The following PAK3 variants were observed in gnomAD, a reference collection of about 807,000 sequenced individuals.
The protein encoded by PAK3 is serine/threonine-protein kinase PAK 3.
A neutral mutation model predicts 41.0 loss-of-function variants in PAK3; 4 were observed. The ratio of observed to expected loss-of-function variants is 0.10; its 90% CI spans 0.05 to 0.22. The LOEUF (loss-of-function observed/expected upper bound fraction) is 0.22. Among genes scored for constraint, PAK3 ranks in the 10% least tolerant of loss-of-function variants. The pLI, the probability that PAK3 is intolerant of heterozygous loss-of-function variation, is 1.00. For synonymous variants in PAK3, 146 were observed against 139.6 expected (o/e 1.05, Z -0.32); for missense variants, 205 against 409.9 (o/e 0.50, Z 4.32).
chrX:111,211,741 T>C (rs890809278), intron 16 of PAK3, among the ~76,000 whole-genome samples: 1 of 110,271 alleles, frequency 9.1e-6, no homozygotes, highest in Admixed American at 9.6e-5. Flanking sequence ...TCCTCCTCTT[T>C]CTCCCTGTTC....
chrX:111,132,093 G>A (rs1421311952), intron 5 of PAK3, among the ~76,000 whole-genome samples: 2 of 110,902 alleles, frequency 1.8e-5, no homozygotes, highest in Non-Finnish European at 1.9e-5. Context: ...TTTTGTAAAT[G>A]ACTTGTTTGG....
intron 1 of PAK3, among the ~76,000 whole-genome samples, chrX:111,073,226 G>C (rs893084134): frequency 9.0e-6 from 1 of 111,405 alleles, no homozygotes. Context: ...ATGCAGCAAC[G>C]TTCCCTATTA....
chrX:111,057,173 A>G (rs912551947), intron 1 of PAK3, among the ~76,000 whole-genome samples: 2 of 112,105 alleles, frequency 1.8e-5, no homozygotes, highest in Non-Finnish European at 1.9e-5. Context: ...ACATTTCTCA[A>G]AAGGAGATGT....
intron 1 of PAK3, among the ~76,000 whole-genome samples, chrX:110,950,563 C>T (rs1485520760): frequency 1.8e-5 from 2 of 111,541 alleles, no homozygotes; most frequent in Non-Finnish European, 3.8e-5. Context: ...TGTCCTAATG[C>T]TCTCCCTCTC....
At chrX:111,104,026 C>G (rs140660231) in intron 4 of PAK3, among the ~76,000 whole-genome samples, 1 of 112,390 alleles carries the variant, frequency 8.9e-6, no homozygotes, top group Admixed American at 9.4e-5. Flanking sequence ...GATCTCTAGT[C>G]TCCCTTAAAA....
intron 1 of PAK3, among the ~76,000 whole-genome samples, chrX:110,985,458 G>C (rs1305929215): frequency 8.9e-6 from 1 of 112,349 alleles, no homozygotes; most frequent in Non-Finnish European, 1.9e-5. Context: ...TTAATAGGTG[G>C]TCAATAAGTA....
At chrX:111,067,920 A>G (rs1054985215) in intron 1 of PAK3, among the ~76,000 whole-genome samples, 1 of 110,974 alleles carries the variant, frequency 9.0e-6, no homozygotes, top group African/African-American at 3.3e-5. Flanking sequence ...GTTGTCTGTG[A>G]TTTGAAGGTT....
intron 6 of PAK3, chrX:111,144,870 TC>T: frequency 8.7e-7 from 1 of 1,144,465 alleles, no homozygotes; most frequent in Non-Finnish European, 1.2e-6. Context: ...AACTCCCCTT[TC>T]CAGACCTCTA....
At chrX:111,043,293 CAA>C (rs751253205) in intron 1 of PAK3, among the ~76,000 whole-genome samples, 20 of 65,298 alleles carry the variant, frequency 3.1e-4, no homozygotes, top group Non-Finnish European at 1.8e-4. Flanking sequence ...GACCCTGTCT[CAA>C]AAAAAAAAAA....
intron 1 of PAK3, among the ~76,000 whole-genome samples, chrX:111,079,048 C>A (rs935493253): frequency 9.0e-6 from 1 of 111,558 alleles, no homozygotes; most frequent in African/African-American, 3.3e-5. Flanking sequence ...GTGATTAGTT[C>A]ACGAGATTTA....
intron 17 of PAK3, among the ~76,000 whole-genome samples, chrX:111,219,852 T>C (rs1192066177): frequency 9.0e-6 from 1 of 110,928 alleles, no homozygotes; most frequent in East Asian, 2.8e-4. Flanking sequence ...AGACCCAATA[T>C]GGTAGAATGT....
At position 111,162,944 on chromosome X, in the gene PAK3, G is replaced by A. The variant is rs200216766; in HGVS notation, c.498G>A (p.Leu166=). The A allele has an allele frequency of 1.2e-5, 15 of 1,203,390 alleles. No individual in the cohort carries two copies. Among genetic ancestry groups the A allele is most frequent in the Non-Finnish European group, 1.7e-5 (15 of 889,869 alleles). ...SSTKTASEPP[L]APPVSEEEDE... ...CAAAAACAGCATCTGAGCCTCCATT[G>A]GCCCCTCCTGTGTCTGAAGAAGAAG... Residue 166 remains leucine, a synonymous_variant, in exon 9 of 18, where the codon TTG becomes TTA. Transcript: ENST00000372007.
intron 1 of PAK3, among the ~76,000 whole-genome samples, chrX:111,061,564 C>T (rs2092655698): frequency 9.0e-6 from 1 of 111,595 alleles, no homozygotes; most frequent in Admixed American, 9.5e-5. Flanking sequence ...TATAAGATTA[C>T]TTTTGTGAGA....
At chrX:111,084,023 T>C (rs2092858412) in intron 1 of PAK3, among the ~76,000 whole-genome samples, 1 of 112,847 alleles carries the variant, frequency 8.9e-6, no homozygotes, top group African/African-American at 3.2e-5. Flanking sequence ...TAAAAGCAGT[T>C]TCAAAATTAT....
chrX:111,141,442 CTAAA>C (rs1461036186), intron 5 of PAK3, among the ~76,000 whole-genome samples: 1 of 111,487 alleles, frequency 9.0e-6, no homozygotes, highest in African/African-American at 3.2e-5. Flanking sequence ...TTTCTGAAAA[CTAAA>C]TAAAATTAAT....
chrX:110,993,988 C>T (rs1014889476), intron 1 of PAK3, among the ~76,000 whole-genome samples: 9 of 112,121 alleles, frequency 8.0e-5, no homozygotes, highest in African/African-American at 2.6e-4. Context: ...CCTTTGGAAA[C>T]GTCTGTCCTT....
chrX:111,021,130 T>G (rs768651998), intron 1 of PAK3, among the ~76,000 whole-genome samples: 1 of 111,839 alleles, frequency 8.9e-6, no homozygotes, highest in Non-Finnish European at 1.9e-5. Context: ...TCCTACCTCC[T>G]GAGAAACCTG....
intron 1 of PAK3, among the ~76,000 whole-genome samples, chrX:110,956,478 C>T (rs2148603226): frequency 9.0e-6 from 1 of 111,444 alleles, no homozygotes. Context: ...TACTATTATC[C>T]TCATTTACCC....
Position 111,035,082 on chromosome X carries a change from G to A in PAK3, c.-27-87995G>A, listed in dbSNP as rs550504980. Among the ~76,000 whole-genome samples, 12 of 75,881 alleles carry A rather than the reference G, an allele frequency of 1.6e-4. No individual in the cohort carries two copies. The South Asian group carries it at 8.4e-3, about 53-fold the overall frequency. The allele number at this position is 75,881 out of a possible 115,157, so 65.9% of individuals were successfully genotyped here. ...GATTGCACCACTGTACTCCAGCCTA[G>A]GTGACAGAGTGAGACCCTGTCTCAA... On this transcript the variant is annotated intron_variant, in intron 1 of 14. Transcript: ENST00000425146.
Sources: gnomAD v4.1 joint callset for allele counts (sites outside exome capture counted in the v4.1 genomes callset) on GRCh38, gnomAD v4.1.1 for gene constraint, MANE v1.5 for transcripts, NCBI Gene and HGNC (gene_info 2026-07-23, HGNC 2026-07-21) for gene names.